The following PEX5L variants were observed in gnomAD, a reference collection of about 807,000 sequenced individuals.
PEX5L encodes the protein PEX5-related protein.
Under a neutral mutation model 84.0 loss-of-function variants are expected in PEX5L, and 30 were observed. That is an observed-to-expected ratio of 0.36 (90% CI 0.27 to 0.48). PEX5L has a LOEUF of 0.48. Among genes scored for constraint, PEX5L ranks in the 20% least tolerant of loss-of-function variants. The pLI, the probability that PEX5L is intolerant of heterozygous loss-of-function variation, is 0.99. For synonymous variants in PEX5L, 270 were observed against 283.1 expected, an observed-to-expected ratio of 0.95 and a Z score of 0.46; for missense variants, 533 against 754.6, an observed-to-expected ratio of 0.71 and a Z score of 3.44.
intron 5 of PEX5L, among the ~76,000 whole-genome samples, chr3:179,877,535 T>C (rs967223764): frequency 2.0e-5 from 3 of 152,190 alleles, no homozygotes; most frequent in African/African-American, 7.2e-5. Context: ...CACAGCTCAC[T>C]GCAGCCTCAA....
chr3:179,821,339 G>A (rs986179972), intron 8 of PEX5L, among the ~76,000 whole-genome samples: 4 of 152,096 alleles, frequency 2.6e-5, no homozygotes, highest in Non-Finnish European at 4.4e-5. Context: ...TCTATGATTC[G>A]AAATCCTGTG....
intron 14 of PEX5L, among the ~76,000 whole-genome samples, chr3:179,802,564 A>T (rs139272428): frequency 0.036 from 5,377 of 147,792 alleles, 311 homozygotes; most frequent in African/African-American, 0.13. Flanking sequence ...AGAAAAGAAA[A>T]GAAAAGAAAA....
At chr3:179,882,016 C>T (rs1342798568) in intron 4 of PEX5L, among the ~76,000 whole-genome samples, 2 of 152,216 alleles carry the variant, frequency 1.3e-5, no homozygotes, top group East Asian at 1.9e-4. Context: ...GAATGCCTCA[C>T]ATTTTATATC....
intron 1 of PEX5L, among the ~76,000 whole-genome samples, chr3:179,972,495 G>A (rs1002813340): frequency 6.6e-6 from 1 of 152,070 alleles, no homozygotes; most frequent in African/African-American, 2.4e-5. Flanking sequence ...GAAATGTCAT[G>A]TTGTGTCTTC....
At chr3:180,005,315 C>T (rs1402942714) in intron 1 of PEX5L, among the ~76,000 whole-genome samples, 12 of 151,988 alleles carry the variant, frequency 7.9e-5, no homozygotes, top group African/African-American at 2.4e-4. Context: ...GGCTGAAGTA[C>T]AGTGGTACAA....
At chr3:179,872,169 C>T (rs903536135) in intron 7 of PEX5L, among the ~76,000 whole-genome samples, 4 of 152,188 alleles carry the variant, frequency 2.6e-5, no homozygotes, top group African/African-American at 9.7e-5. Flanking sequence ...CAGGCGTGAG[C>T]CACTGTGCTC....
At chr3:179,950,814 C>A (rs980625567) in intron 2 of PEX5L, among the ~76,000 whole-genome samples, 1 of 152,192 alleles carries the variant, frequency 6.6e-6, no homozygotes, top group Non-Finnish European at 1.5e-5. Context: ...GATTAAGGGT[C>A]TCCTGGCTAA....
In PEX5L at chr3:179,929,825, A is replaced by C. The variant is rs77935514; in HGVS notation, c.94-31579T>G. ...ACTCTGTCCCCACCCACGTTTTTTA[A>C]ATCTGTCCCGGTGACCTGCGTAGAC... On this transcript the variant is annotated intron_variant, in intron 2 of 14. Transcript: ENST00000467460. Among the ~76,000 whole-genome samples the C allele has an allele frequency of 2.1e-3, 316 of 152,254 alleles. 8 individuals carry two copies. The East Asian group carries it at 0.026, about 12-fold the overall frequency.
intron 9 of PEX5L, among the ~76,000 whole-genome samples, chr3:179,818,626 T>TA (rs1430094589): frequency 6.6e-6 from 1 of 151,292 alleles, no homozygotes; most frequent in Non-Finnish European, 1.5e-5. Context: ...CAGCCTCTGG[T>TA]AACCATCATT....
At chr3:179,985,209 C>T (rs78277932) in intron 1 of PEX5L, among the ~76,000 whole-genome samples, 3,198 of 152,208 alleles carry the variant, frequency 0.021, 58 homozygotes, top group Non-Finnish European at 0.029. Context: ...AGAACAGTGC[C>T]TAATATATAA....
intron 1 of PEX5L, among the ~76,000 whole-genome samples, chr3:179,974,654 C>A (rs1422358497): frequency 3.9e-5 from 6 of 152,304 alleles, no homozygotes; most frequent in African/African-American, 1.2e-4. Context: ...TCCTTTCTGA[C>A]CTGCAAGAGA....
At chr3:179,942,919 T>C (rs1257874518) in intron 2 of PEX5L, among the ~76,000 whole-genome samples, 1 of 152,210 alleles carries the variant, frequency 6.6e-6, no homozygotes, top group African/African-American at 2.4e-5. Flanking sequence ...GCGTTCCAAT[T>C]CTGGCTCTGC....
At chr3:180,020,953 C>T (rs2110506550) in intron 1 of PEX5L, among the ~76,000 whole-genome samples, 1 of 152,168 alleles carries the variant, frequency 6.6e-6, no homozygotes, top group Admixed American at 6.5e-5. Context: ...AGGCTCTGTG[C>T]TAGGTACCAG....
At chr3:179,869,220 C>A (rs1309135423) in intron 7 of PEX5L, among the ~76,000 whole-genome samples, 1 of 152,070 alleles carries the variant, frequency 6.6e-6, no homozygotes, top group Non-Finnish European at 1.5e-5. Context: ...TCCAAGTGTC[C>A]AAATCCAAAA....
intron 1 of PEX5L, among the ~76,000 whole-genome samples, chr3:180,026,008 A>G (rs992215611): frequency 6.6e-6 from 1 of 152,098 alleles, no homozygotes; most frequent in Non-Finnish European, 1.5e-5. Flanking sequence ...TGGTGAAGCC[A>G]TGGTTTGAAC....
At position 179,796,052 on chromosome 3, in the gene PEX5L, G is replaced by C. The variant is rs1022703811; in HGVS notation, c.*5776C>G. 2.0e-5 allele frequency: 3 copies of C among 152,074 alleles called. No homozygotes were observed. Among genetic ancestry groups the C allele is most frequent in the Non-Finnish European group, 4.4e-5 (3 of 68,012 alleles). The allele number at this position is 152,074 out of a possible 1,614,324, so 9.4% of individuals were successfully genotyped here. A position where few individuals can be genotyped will look rare whatever the true frequency, so the allele number is the denominator to read the frequency against. The stretch of plus-strand genomic sequence containing the variant: ...TCTCACATGGCAGAATTCTTGTATG[G>C]TATCCATGCAGAAATGCTATATATC... On this transcript the variant is annotated 3_prime_UTR_variant, in exon 15 of 15. Transcript: ENST00000467460.
intron 2 of PEX5L, among the ~76,000 whole-genome samples, chr3:179,922,925 T>C (rs1770072606): frequency 6.6e-6 from 1 of 152,140 alleles, no homozygotes; most frequent in Non-Finnish European, 1.5e-5. Flanking sequence ...TCATAGAAAA[T>C]GAATTATTTA....
chr3:179,830,233 A>T (rs545421414), intron 8 of PEX5L, among the ~76,000 whole-genome samples: 220 of 152,078 alleles, frequency 1.4e-3, no homozygotes, highest in African/African-American at 5.0e-3. Flanking sequence ...AATTTAAAAA[A>T]TCACTTATAT....
intron 2 of PEX5L, among the ~76,000 whole-genome samples, chr3:179,958,192 C>T (rs971070332): frequency 2.0e-5 from 3 of 152,082 alleles, no homozygotes; most frequent in Non-Finnish European, 4.4e-5. Flanking sequence ...AAGGCTTTTT[C>T]AGATTTTACC....
Sources: allele counts gnomAD v4.1 joint callset (sites outside exome capture counted in the v4.1 genomes callset), GRCh38; gene constraint gnomAD v4.1.1; transcripts MANE v1.5; gene names NCBI Gene and HGNC (gene_info 2026-07-23, HGNC 2026-07-21).